NUBPL: variants seen among roughly 807,000 people sequenced by gnomAD.
NUBPL encodes NUBP iron-sulfur cluster assembly factor, mitochondrial.
NUBPL carries 31 observed loss-of-function variants against 45.7 expected under a neutral mutation model. The observed-to-expected ratio is 0.68, with a 90% confidence interval of 0.51 to 0.92. NUBPL has a LOEUF of 0.92. NUBPL is among the 40% of genes least tolerant of loss of function. NUBPL has a pLI of 0.00. For synonymous variants in NUBPL, 144 were observed against 140.9 expected, an observed-to-expected ratio of 1.02 and a Z score of -0.15; for missense variants, 401 against 398.7, an observed-to-expected ratio of 1.01 and a Z score of -0.05.
intron 4 of NUBPL, among the ~76,000 whole-genome samples, chr14:31,608,176 C>T (rs1392697183): frequency 3.3e-5 from 5 of 152,172 alleles, no homozygotes; most frequent in African/African-American, 1.2e-4. Context: ...GAAATAAAGA[C>T]TTTCCCAGAC....
chr14:31,837,549 A>G (rs1021833514), intron 8 of NUBPL, among the ~76,000 whole-genome samples: 7 of 152,292 alleles, frequency 4.6e-5, no homozygotes, highest in African/African-American at 1.7e-4. Flanking sequence ...AAATAGAAAG[A>G]AAAGAAGAAG....
chr14:31,845,028 C>T (rs565017584), intron 8 of NUBPL: 4 of 152,268 alleles, frequency 2.6e-5, no homozygotes, highest in East Asian at 1.9e-4. Flanking sequence ...GCCCTCCCCC[C>T]GCCACTGCAT....
chr14:31,811,309 GT>G (rs1209880737), intron 7 of NUBPL, among the ~76,000 whole-genome samples: 1 of 152,078 alleles, frequency 6.6e-6, no homozygotes, highest in Non-Finnish European at 1.5e-5. Flanking sequence ...TGGAAGATTT[GT>G]TTGTTTCTTT....
At chr14:31,682,133 C>T (rs988983874) in intron 6 of NUBPL, among the ~76,000 whole-genome samples, 1 of 152,056 alleles carries the variant, frequency 6.6e-6, no homozygotes, top group Non-Finnish European at 1.5e-5. Context: ...GTTAACATCT[C>T]CAGGTATGAT....
intron 3 of NUBPL, among the ~76,000 whole-genome samples, chr14:31,580,339 A>G (rs1344186061): frequency 3.3e-5 from 5 of 152,206 alleles, no homozygotes; most frequent in Non-Finnish European, 7.3e-5. Flanking sequence ...AAGTGATGGG[A>G]GGTCTGGGTG....
At position 31,859,252 on chromosome 14, in the gene NUBPL, T is replaced by C. The variant is rs975175643; in HGVS notation, c.*72T>C. On this transcript the variant is annotated 3_prime_UTR_variant, in exon 11 of 11. Transcript: ENST00000281081. ...CCTTTGGAAATCAGCAATGTGGTGA[T>C]GGAACCTACAGAAATAATAGAAATC... 77 of 1,073,276 alleles carry C rather than the reference T, an allele frequency of 7.2e-5. No homozygotes were observed. Among genetic ancestry groups the C allele is most frequent in the Non-Finnish European group, 1.3e-5 (9 of 688,550 alleles). 66.5% of individuals were successfully genotyped at this position (1,073,276 alleles called of 1,614,324 possible).
intron 6 of NUBPL, among the ~76,000 whole-genome samples, chr14:31,748,921 T>A (rs1306154264): frequency 9.2e-5 from 14 of 152,130 alleles, no homozygotes; most frequent in African/African-American, 2.9e-4. Context: ...CCCTGCTTTG[T>A]TTTTATTTCC....
At chr14:31,581,195 G>C (rs1164937720) in intron 3 of NUBPL, among the ~76,000 whole-genome samples, 1 of 145,818 alleles carries the variant, frequency 6.9e-6, no homozygotes, top group Middle Eastern at 3.2e-3. Context: ...GAAGGAAAGA[G>C]ATGGTTCTTT....
intron 6 of NUBPL, among the ~76,000 whole-genome samples, chr14:31,735,267 C>T (rs1232146702): frequency 6.6e-6 from 1 of 152,014 alleles, no homozygotes; most frequent in African/African-American, 2.4e-5. Flanking sequence ...ATTAAATTAC[C>T]TTTTCAATTA....
At chr14:31,727,318 G>C (rs763746018) in intron 6 of NUBPL, among the ~76,000 whole-genome samples, 34 of 152,232 alleles carry the variant, frequency 2.2e-4, no homozygotes, top group Admixed American at 4.6e-4. Context: ...AGTAATGAAG[G>C]CTTACCATAT....
chr14:31,630,399 A>C (rs2035311363), intron 4 of NUBPL, among the ~76,000 whole-genome samples: 1 of 152,170 alleles, frequency 6.6e-6, no homozygotes, highest in Non-Finnish European at 1.5e-5. Context: ...GATTTTGTTC[A>C]GTCCTGGGGG....
At chr14:31,650,293 T>C (rs866454895) in intron 4 of NUBPL, among the ~76,000 whole-genome samples, 40,909 of 143,064 alleles carry the variant, frequency 0.29, 5,764 homozygotes, top group South Asian at 0.4. Context: ...CTTTCTTTTT[T>C]TTTTTTTTTT....
chr14:31,596,766 A>G (rs1391709152), intron 3 of NUBPL, among the ~76,000 whole-genome samples: 1 of 152,208 alleles, frequency 6.6e-6, no homozygotes, highest in Non-Finnish European at 1.5e-5. Context: ...AATACTTTAA[A>G]TGGTCATTTT....
intron 4 of NUBPL, among the ~76,000 whole-genome samples, chr14:31,666,286 A>G (rs9944165): frequency 0.048 from 5,290 of 111,302 alleles, 173 homozygotes; most frequent in African/African-American, 0.096. Flanking sequence ...TTTTTTTGAG[A>G]CGGAATCTCC....
chr14:31,682,700 G>T (rs1318888247), intron 6 of NUBPL, among the ~76,000 whole-genome samples: 5 of 152,042 alleles, frequency 3.3e-5, no homozygotes, highest in Non-Finnish European at 7.4e-5. Context: ...CTGCTTTAGG[G>T]ATTATAATAT....
chr14:31,751,833 G>A (rs2038537686), intron 6 of NUBPL, among the ~76,000 whole-genome samples: 1 of 151,454 alleles, frequency 6.6e-6, no homozygotes, highest in Non-Finnish European at 1.5e-5. Context: ...CACCCTGGCA[G>A]TAGACTTCCA....
chr14:31,734,879 G>C (rs552624756), intron 6 of NUBPL, among the ~76,000 whole-genome samples: 2 of 151,998 alleles, frequency 1.3e-5, no homozygotes, highest in Admixed American at 6.6e-5. Context: ...TAGATCTGGC[G>C]TTTAACCTCC....
intron 6 of NUBPL, among the ~76,000 whole-genome samples, chr14:31,707,423 GTCTC>G (rs1156922135): frequency 6.6e-6 from 1 of 152,044 alleles, no homozygotes; most frequent in Non-Finnish European, 1.5e-5. Context: ...CTTCTCCTTT[GTCTC>G]TCTCTTTCTC....
chr14:31,766,314 AG>A (rs1289366673), intron 6 of NUBPL, among the ~76,000 whole-genome samples: 2 of 152,192 alleles, frequency 1.3e-5, no homozygotes, highest in Non-Finnish European at 2.9e-5. Context: ...CTGTCAACAA[AG>A]CATTTGCAGT....
Sources: allele counts gnomAD v4.1 joint callset (sites outside exome capture counted in the v4.1 genomes callset), GRCh38; gene constraint gnomAD v4.1.1; transcripts MANE v1.5; gene names NCBI Gene and HGNC (gene_info 2026-07-23, HGNC 2026-07-21).